YAF2: variants seen among roughly 807,000 people sequenced by gnomAD.
YAF2 encodes the protein YY1-associated factor 2.
Under a neutral mutation model 20.1 loss-of-function variants are expected in YAF2, and 7 were observed. That is an observed-to-expected ratio of 0.35 (90% confidence interval 0.20 to 0.65). YAF2 has a LOEUF of 0.65. YAF2 is among the 30% of genes least tolerant of loss of function. The probability of loss-of-function intolerance (pLI) is 0.69; values close to 1 mark genes in which losing one functional copy is unlikely to be tolerated. For missense variants in YAF2, 151 were observed against 219.2 expected (o/e 0.69, Z 1.96); for synonymous variants, 74 against 76.0 (o/e 0.97, Z 0.14).
intron 2 of YAF2, among the ~76,000 whole-genome samples, chr12:42,223,060 C>A (rs1172258603): frequency 6.6e-6 from 1 of 151,838 alleles, no homozygotes; most frequent in Admixed American, 6.6e-5. Flanking sequence ...CCTATATACA[C>A]TTCCATTTGC....
chr12:42,230,201 G>T (rs760284460), intron 2 of YAF2, among the ~76,000 whole-genome samples: 2 of 152,136 alleles, frequency 1.3e-5, no homozygotes, highest in Non-Finnish European at 2.9e-5. Flanking sequence ...AGATTGCAGT[G>T]AGCCAAGATC....
rs78585388 is a variant in YAF2, at chr12:42,212,105, T to C, written c.152+25494A>G. On this transcript the variant is annotated intron_variant, in intron 2 of 3. Coordinates refer to ENST00000534854, the MANE Select transcript of YAF2 (RefSeq NM_005748.6). ...AACACAAACAAAAGTATGCCAGTCA[T>C]TGAAAAATATTAATAATGCTAATTA... 9.4e-3 allele frequency among the ~76,000 whole-genome samples: 1,431 copies of C among 152,150 alleles called. 13 individuals are homozygous for C. Among genetic ancestry groups the C allele is most frequent in the Non-Finnish European group, 0.012 (844 of 67,998 alleles).
chr12:42,195,900 G>A (rs144786312), intron 2 of YAF2, among the ~76,000 whole-genome samples: 1 of 152,086 alleles, frequency 6.6e-6, no homozygotes, highest in Non-Finnish European at 1.5e-5. Flanking sequence ...AAGAGTGGAA[G>A]GCAGGAGTTG....
intron 2 of YAF2, among the ~76,000 whole-genome samples, chr12:42,237,073 A>G (rs2137463649): frequency 6.6e-6 from 1 of 152,364 alleles, no homozygotes; most frequent in East Asian, 1.9e-4. Context: ...ACTTATTTAT[A>G]AAATATTAGA....
intron 2 of YAF2, among the ~76,000 whole-genome samples, chr12:42,186,447 G>A (rs995548006): frequency 6.6e-6 from 1 of 151,544 alleles, no homozygotes; most frequent in Non-Finnish European, 1.5e-5. Context: ...GGGGGCAGAG[G>A]GGTGGATCAC....
chr12:42,160,691 T>C lies in YAF2; in HGVS notation c.441A>G (p.Gln147=), dbSNP rs2065780136. The C allele has an allele frequency of 6.2e-7, 1 of 1,613,858 alleles. No individual in the cohort carries two copies. The highest frequency in any genetic ancestry group is 1.1e-5 in the South Asian group (1 of 91,062). The change falls in exon 4 of 4, where the codon CAA becomes CAG. Residue 147 remains glutamine, a synonymous_variant. Transcript: ENST00000534854. ...CAGAGCTAGAGCCGCTTTGACTGTG[T>C]TGATCTGCAGAAGCAGCACTAGATG... ...PPASSAASAD[Q]HSQSGSSSDN...
intron 2 of YAF2, among the ~76,000 whole-genome samples, chr12:42,208,520 C>G (rs919832086): frequency 6.6e-6 from 1 of 152,104 alleles, no homozygotes; most frequent in Non-Finnish European, 1.5e-5. Context: ...TAAACTGTAT[C>G]ATTCAGCTAA....
intron 2 of YAF2, among the ~76,000 whole-genome samples, chr12:42,164,589 G>C (rs989678916): frequency 3.9e-5 from 6 of 151,922 alleles, no homozygotes; most frequent in Non-Finnish European, 7.4e-5. Flanking sequence ...CTAAAAAGAG[G>C]CAGCATAACT....
intron 2 of YAF2, among the ~76,000 whole-genome samples, chr12:42,212,802 T>A (rs2137245579): frequency 6.6e-6 from 1 of 152,296 alleles, no homozygotes; most frequent in Middle Eastern, 3.4e-3. Context: ...CAAATTTGAG[T>A]TAAGTATAAC....
intron 2 of YAF2, among the ~76,000 whole-genome samples, chr12:42,186,189 C>A (rs1205159404): frequency 6.9e-3 from 433 of 62,306 alleles, no homozygotes; most frequent in Middle Eastern, 0.03. Flanking sequence ...AACTCTGTCT[C>A]AAAAAAAAAA....
intron 2 of YAF2, among the ~76,000 whole-genome samples, chr12:42,217,552 A>G (rs1187901928): frequency 6.6e-6 from 1 of 152,212 alleles, no homozygotes; most frequent in African/African-American, 2.4e-5. Flanking sequence ...TACCTACACA[A>G]GACACTGTGA....
chr12:42,176,327 G>C (rs2066191995), intron 2 of YAF2, among the ~76,000 whole-genome samples: 1 of 151,864 alleles, frequency 6.6e-6, no homozygotes, highest in Non-Finnish European at 1.5e-5. Context: ...CACCATGCTG[G>C]CCAGACTGGT....
intron 2 of YAF2, among the ~76,000 whole-genome samples, chr12:42,209,901 C>T (rs940686738): frequency 4.6e-5 from 7 of 152,122 alleles, no homozygotes; most frequent in East Asian, 1.9e-4. Flanking sequence ...TGGGTTCAAG[C>T]GATTCTCCTG....
intron 2 of YAF2, among the ~76,000 whole-genome samples, chr12:42,222,646 T>C (rs886110056): frequency 2.0e-5 from 3 of 152,156 alleles, no homozygotes; most frequent in Non-Finnish European, 4.4e-5. Context: ...ATCATCTACT[T>C]TGTAAATAAA....
chr12:42,157,732 TAAGAA>T lies in YAF2; in HGVS notation c.*2852_*2856del, dbSNP rs1429664331. 6.6e-6 allele frequency: 1 copy of T among 151,958 alleles called. No homozygotes were observed. Among genetic ancestry groups the T allele is most frequent in the Non-Finnish European group, 1.5e-5 (1 of 67,990 alleles). 9.4% of individuals were successfully genotyped at this position (151,958 alleles called of 1,614,324 possible). On this transcript the variant is annotated 3_prime_UTR_variant, in exon 4 of 4. Transcript: ENST00000534854. The stretch of plus-strand genomic sequence containing the variant: ...TTCTATTGTATAATACAAAAGGTTT[TAAGAA>T]TATTCTTCTGTGCCTCAAATTATAT...
At chr12:42,234,284 C>T in intron 2 of YAF2, 1 of 985,352 alleles carries the variant, frequency 1.0e-6, no homozygotes, top group Non-Finnish European at 1.2e-6. Flanking sequence ...AATAATGTGT[C>T]ACCGTGGCAT....
At chr12:42,205,852 G>A (rs1223813960) in intron 2 of YAF2, 2 of 399,122 alleles carry the variant, frequency 5.0e-6, no homozygotes, top group South Asian at 3.7e-5. Context: ...CCATTTTTGT[G>A]CATCCCTCAA....
At chr12:42,169,751 T>C (rs1469740435) in intron 2 of YAF2, among the ~76,000 whole-genome samples, 1 of 152,078 alleles carries the variant, frequency 6.6e-6, no homozygotes, top group Admixed American at 6.6e-5. Flanking sequence ...AGCATTATTC[T>C]TGAAGGATAT....
At chr12:42,212,768 T>G (rs989946515) in intron 2 of YAF2, among the ~76,000 whole-genome samples, 1 of 152,226 alleles carries the variant, frequency 6.6e-6, no homozygotes, top group Non-Finnish European at 1.5e-5. Context: ...CAAATTGCCT[T>G]GGGTAAATGC....
Sources: gnomAD v4.1 joint callset for allele counts (sites outside exome capture counted in the v4.1 genomes callset) on GRCh38, gnomAD v4.1.1 for gene constraint, MANE v1.5 for transcripts, NCBI Gene and HGNC (gene_info 2026-07-23, HGNC 2026-07-21) for gene names.